ADGRA1: variants seen among roughly 807,000 people sequenced by gnomAD.
ADGRA1 encodes G-protein coupled receptor 123.
A neutral mutation model predicts 21.3 loss-of-function variants in ADGRA1; 12 were observed. That is an observed-to-expected ratio of 0.56 (90% confidence interval 0.36 to 0.91). ADGRA1 has a LOEUF of 0.91. Among genes scored for constraint, ADGRA1 ranks in the 40% least tolerant of loss-of-function variants. The pLI is 0.01. For missense variants in ADGRA1, 790 were observed against 805.6 expected, an observed-to-expected ratio of 0.98 and a Z score of 0.23; for synonymous variants, 385 against 368.8, an observed-to-expected ratio of 1.04 and a Z score of -0.50.
At chr10:133,113,271 G>GC (rs1852096914) in intron 5 of ADGRA1, among the ~76,000 whole-genome samples, 1 of 152,230 alleles carries the variant, frequency 6.6e-6, no homozygotes, top group African/African-American at 2.4e-5. Flanking sequence ...TTTGGGGTCT[G>GC]TGGGCCGTGT....
chr10:133,096,410 G>C (rs998146176), intron 2 of ADGRA1, among the ~76,000 whole-genome samples: 1 of 152,228 alleles, frequency 6.6e-6, no homozygotes, highest in African/African-American at 2.4e-5. Flanking sequence ...CTTGGGCCGA[G>C]AAGCAGGTGG....
chr10:133,124,319 G>A (rs891743912), intron 5 of ADGRA1, among the ~76,000 whole-genome samples: 5 of 152,204 alleles, frequency 3.3e-5, no homozygotes, highest in African/African-American at 9.7e-5. Flanking sequence ...GTGCTCTGCC[G>A]TGAGTCAGCT....
chr10:133,089,775 G>C (rs1002594354), intron 2 of ADGRA1, among the ~76,000 whole-genome samples: 1 of 152,250 alleles, frequency 6.6e-6, no homozygotes, highest in Admixed American at 6.5e-5. Flanking sequence ...GTCCAAGCAA[G>C]AGAGATGCCT....
intron 5 of ADGRA1, 36 bp from the exon 6 acceptor site, chr10:133,127,197 C>T (rs372748769): frequency 2.1e-5 from 29 of 1,390,392 alleles, no homozygotes; most frequent in Non-Finnish European, 2.8e-5. Flanking sequence ...ATGCAGGCGG[C>T]GTCTGCAAGG....
intron 5 of ADGRA1, among the ~76,000 whole-genome samples, chr10:133,118,875 CAT>C (rs1852203203): frequency 6.6e-6 from 1 of 151,250 alleles, no homozygotes; most frequent in African/African-American, 2.5e-5. Flanking sequence ...ATCACACACA[CAT>C]GCACTCATAC....
rs75070729 is a variant in ADGRA1 at position 133,111,069 on chromosome 10, C to T, written c.401+8227C>T. 3.3e-5 allele frequency among the ~76,000 whole-genome samples: 5 copies of T among 152,104 alleles called. No individual in the cohort carries two copies. The East Asian group carries it at 9.7e-4, about 29-fold the overall frequency. On this transcript the variant is annotated intron_variant, in intron 5 of 6. Transcript: ENST00000392607. ...ACCAGGGACACCTGCCCTCCTAATCCTGCCAAGCCACCTGCCTGCCATGGG... is the reference window on the plus strand; with the variant it reads ...ACCAGGGACACCTGCCCTCCTAATCTTGCCAAGCCACCTGCCTGCCATGGG...
intron 1 of ADGRA1, 99 bp from the exon 2 acceptor site, chr10:133,088,609 G>A: frequency 1.3e-6 from 1 of 741,462 alleles, no homozygotes; most frequent in East Asian, 4.1e-5. Context: ...AGGGGAGGGA[G>A]CGACAGGGGC....
At chr10:133,113,851 C>A (rs1207258751) in intron 5 of ADGRA1, among the ~76,000 whole-genome samples, 1 of 152,236 alleles carries the variant, frequency 6.6e-6, no homozygotes. Context: ...TCCCCATGTC[C>A]CTGTGGACCC....
chr10:133,102,647 TG>T (rs780167222), intron 4 of ADGRA1, 49 bp from the exon 5 acceptor site: 12 of 1,571,626 alleles, frequency 7.6e-6, no homozygotes, highest in African/African-American at 1.3e-5. Flanking sequence ...TGCTGGGCTC[TG>T]GGGGGTGGGT....
chr10:133,096,480 T>C (rs1851690971), intron 2 of ADGRA1, among the ~76,000 whole-genome samples: 1 of 152,200 alleles, frequency 6.6e-6, no homozygotes. Flanking sequence ...TTTCTCCACC[T>C]CTCGCAGAAG....
chr10:133,125,673 C>T (rs368433238), intron 5 of ADGRA1, among the ~76,000 whole-genome samples: 2 of 152,128 alleles, frequency 1.3e-5, no homozygotes, highest in African/African-American at 4.8e-5. Flanking sequence ...TCGTGATCTG[C>T]CCACCTCAGC....
chr10:133,103,580 G>C (rs1339430094), intron 5 of ADGRA1, among the ~76,000 whole-genome samples: 1 of 152,228 alleles, frequency 6.6e-6, no homozygotes, highest in Non-Finnish European at 1.5e-5. Flanking sequence ...TGCCTAGGGG[G>C]GCGGACACAG....
chr10:133,115,512 C>T (rs1389429795), intron 5 of ADGRA1, among the ~76,000 whole-genome samples: 1 of 152,162 alleles, frequency 6.6e-6, no homozygotes, highest in Non-Finnish European at 1.5e-5. Context: ...GGGGGTACCC[C>T]GAGAAGGGCA....
At chr10:133,102,107 AG>A (rs34227380) in intron 4 of ADGRA1, 58,685 of 418,218 alleles carry the variant, frequency 0.14, 4,809 homozygotes, top group South Asian at 0.15. Flanking sequence ...AAGCAAACGC[AG>A]GAAGTTTCCA....
At chr10:133,122,125 G>A (rs746447178) in intron 5 of ADGRA1, among the ~76,000 whole-genome samples, 4 of 152,224 alleles carry the variant, frequency 2.6e-5, no homozygotes, top group Non-Finnish European at 4.4e-5. Flanking sequence ...AAGGAGAGGC[G>A]CAGCATGGAG....
Position 133,129,707 on chromosome 10 carries a change from C to A in ADGRA1, c.*196C>A, listed in dbSNP as rs1202554481. ...CTGCCCCTTCCTTGTGATCACACCCCTGCCCCTTCCTTGTGAAAGACCTCA... is the reference window on the plus strand; with the variant it reads ...CTGCCCCTTCCTTGTGATCACACCCATGCCCCTTCCTTGTGAAAGACCTCA... On this transcript the variant is annotated 3_prime_UTR_variant, in exon 7 of 7. Coordinates refer to ENST00000392607, the MANE Select transcript of ADGRA1 (RefSeq NM_001083909.3). The A allele has an allele frequency of 1.0e-5, 4 of 381,534 alleles. No individual in the cohort carries two copies. The highest frequency in any genetic ancestry group is 3.2e-5 in the African/African-American group (1 of 31,134). 23.6% of individuals were successfully genotyped at this position (381,534 alleles called of 1,614,324 possible). A position where few individuals can be genotyped will look rare whatever the true frequency, so the allele number is the denominator to read the frequency against.
intron 1 of ADGRA1, 109 bp downstream of exon 1, chr10:133,088,247 G>A: frequency 2.5e-6 from 1 of 399,346 alleles, no homozygotes; most frequent in Admixed American, 6.4e-5. Flanking sequence ...GCAGCTCCGA[G>A]TAACTTTCGG....
intron 5 of ADGRA1, among the ~76,000 whole-genome samples, chr10:133,106,883 G>A (rs186370956): frequency 4.5e-4 from 69 of 152,360 alleles, no homozygotes; most frequent in Non-Finnish European, 6.2e-4. Flanking sequence ...GGCCACGCCC[G>A]CTCTGAGCGC....
Position 133,128,437 on chromosome 10 carries a change from C to T in ADGRA1, c.609C>T (p.Arg203=). Residue 203 remains arginine, a synonymous_variant, in exon 7 of 7, where the codon CGC becomes CGT. Coordinates refer to ENST00000392607, the MANE Select transcript of ADGRA1 (RefSeq NM_001083909.3). ...TGGGCACCTACGTGCAGCTGCGGCGCCACCCAGGGCGCAGGTACGAGCTGC... is the reference window on the plus strand; with the variant it reads ...TGGGCACCTACGTGCAGCTGCGGCGTCACCCAGGGCGCAGGTACGAGCTGC... ...YFLGTYVQLR[R]HPGRRYELRT... is the part of the protein sequence containing the mutation. The T allele has an allele frequency of 6.2e-7, 1 of 1,604,310 alleles. No individual in the cohort carries two copies. Among genetic ancestry groups the T allele is most frequent in the South Asian group, 1.1e-5 (1 of 89,686 alleles).
Sources: allele counts gnomAD v4.1 joint callset (sites outside exome capture counted in the v4.1 genomes callset), GRCh38; gene constraint gnomAD v4.1.1; transcripts MANE v1.5; gene names NCBI Gene and HGNC (gene_info 2026-07-23, HGNC 2026-07-21).